Variants in DNAH11 observed in about 807,000 individuals in gnomAD.
The protein encoded by DNAH11 is dynein axonemal heavy chain 11.
A neutral mutation model predicts 526.0 loss-of-function variants in DNAH11; 442 were observed. The ratio of observed to expected loss-of-function variants is 0.84; its 90% CI spans 0.78 to 0.91. DNAH11 has a LOEUF of 0.91. Ranked by LOEUF, DNAH11 falls within the 40% of genes least tolerant of loss-of-function variation. The pLI, the probability that DNAH11 is intolerant of heterozygous loss-of-function variation, is 0.00. For missense variants in DNAH11, 6,989 were observed against 5,448.7 expected (o/e 1.28, Z -8.90); for synonymous variants, 2,461 against 1,935.9 (o/e 1.27, Z -7.12).
intron 69 of DNAH11, 22 bp downstream of exon 69, chr7:21,862,045 A>G (rs764878270): frequency 1.3e-6 from 2 of 1,596,858 alleles, no homozygotes; most frequent in Non-Finnish European, 1.7e-6. Flanking sequence ...AGTTACTTGA[A>G]AAAGGATCCC....
intron 67 of DNAH11, among the ~76,000 whole-genome samples, chr7:21,853,353 T>C (rs1159576095): frequency 1.3e-5 from 2 of 152,252 alleles, no homozygotes; most frequent in Non-Finnish European, 2.9e-5. Context: ...CTACGCATCC[T>C]TTATATTTGT....
intron 75 of DNAH11, among the ~76,000 whole-genome samples, chr7:21,882,507 G>C (rs1166467360): frequency 1.3e-5 from 2 of 152,180 alleles, no homozygotes; most frequent in African/African-American, 4.8e-5. Flanking sequence ...GAAAAGAACA[G>C]ATCTGAGGCC....
At chr7:21,758,019 A>G (rs922324405) in intron 54 of DNAH11, among the ~76,000 whole-genome samples, 8 of 152,220 alleles carry the variant, frequency 5.3e-5, no homozygotes, top group Admixed American at 3.3e-4. Context: ...GCAGATAGCC[A>G]TCTCGACGGC....
intron 28 of DNAH11, among the ~76,000 whole-genome samples, chr7:21,653,805 T>G (rs1781890945): frequency 6.6e-6 from 1 of 152,224 alleles, no homozygotes; most frequent in South Asian, 2.1e-4. Flanking sequence ...TGTGATTTTC[T>G]TTGATACTAA....
intron 79 of DNAH11, among the ~76,000 whole-genome samples, chr7:21,895,823 G>A (rs562598329): frequency 1.1e-4 from 17 of 152,186 alleles, no homozygotes; most frequent in Middle Eastern, 3.4e-3. Flanking sequence ...TCTGCCTGCC[G>A]GGTTCACGCC....
intron 55 of DNAH11, among the ~76,000 whole-genome samples, chr7:21,772,237 A>G (rs1367666560): frequency 6.6e-6 from 1 of 152,154 alleles, no homozygotes; most frequent in Admixed American, 6.5e-5. Context: ...CACTTCTTCC[A>G]TCCCCGATTT....
chr7:21,558,689 T>C, intron 2 of DNAH11, 113 bp from the exon 3 acceptor site: 2 of 685,584 alleles, frequency 2.9e-6, no homozygotes, highest in Non-Finnish European at 4.6e-6. Flanking sequence ...AGATTTGATA[T>C]CATTGGATAT....
At chr7:21,733,654 C>T (rs1411424490) in intron 45 of DNAH11, among the ~76,000 whole-genome samples, 1 of 152,148 alleles carries the variant, frequency 6.6e-6, no homozygotes, top group Non-Finnish European at 1.5e-5. Flanking sequence ...TCTTTCTTTC[C>T]ACACAGTTGT....
At chr7:21,609,789 AT>A (rs141411789) in intron 20 of DNAH11, among the ~76,000 whole-genome samples, 9,537 of 152,260 alleles carry the variant, frequency 0.063, 598 homozygotes, top group Admixed American at 0.19. Context: ...TGTAGTGAAA[AT>A]GGAAATATCA....
chr7:21,667,771 G>A (rs936554344), intron 30 of DNAH11, among the ~76,000 whole-genome samples: 1 of 152,046 alleles, frequency 6.6e-6, no homozygotes, highest in African/African-American at 2.4e-5. Context: ...AAATGACTGT[G>A]TACGTATGTG....
Position 21,591,484 on chromosome 7 carries a change from G to A in DNAH11, c.2574G>A (p.Glu858=). The A allele has an allele frequency of 6.2e-7, 1 of 1,613,334 alleles. No homozygotes were observed. Among genetic ancestry groups the A allele is most frequent in the South Asian group, 1.1e-5 (1 of 91,024 alleles). Residue 858 remains glutamate (E), a synonymous_variant, in exon 14 of 82, where the codon GAG becomes GAA. Transcript: ENST00000409508. Reference sequence around the variant, plus strand: ...CTCCCAGGAGAGAGCACAGACGAGAGGCAGCCTTCACCTTGGAGGACAAGG... The same window carrying A: ...CTCCCAGGAGAGAGCACAGACGAGAAGCAGCCTTCACCTTGGAGGACAAGG... The part of the protein sequence containing the change: ...VLPPRREHRR[E]AAFTLEDKGD...
chr7:21,550,330 A>G (rs925132808), intron 2 of DNAH11, among the ~76,000 whole-genome samples: 9 of 152,174 alleles, frequency 5.9e-5, no homozygotes, highest in African/African-American at 2.2e-4. Flanking sequence ...CGTGAACTCA[A>G]GAGGTGAAGT....
intron 62 of DNAH11, among the ~76,000 whole-genome samples, chr7:21,806,988 G>T (rs1204987450): frequency 1.3e-5 from 2 of 152,136 alleles, no homozygotes; most frequent in Non-Finnish European, 2.9e-5. Flanking sequence ...ACTAACCTGA[G>T]TTTAGTAACT....
chr7:21,601,355 A>T, intron 17 of DNAH11, 41 bp from the exon 18 acceptor site: 1 of 1,559,498 alleles, frequency 6.4e-7, no homozygotes, highest in East Asian at 2.3e-5. Context: ...TGTTTTAATA[A>T]ACTTAATTTG....
intron 66 of DNAH11, chr7:21,851,548 T>C: frequency 2.1e-6 from 1 of 471,518 alleles, no homozygotes; most frequent in Non-Finnish European, 4.4e-6. Flanking sequence ...CCTCTGAGCT[T>C]ATGTCATAAT....
At chr7:21,549,984 G>C (rs1282423590) in intron 2 of DNAH11, among the ~76,000 whole-genome samples, 3 of 152,162 alleles carry the variant, frequency 2.0e-5, no homozygotes, top group East Asian at 1.9e-4. Flanking sequence ...TCCCCTGCCC[G>C]TTTCCATTTT....
intron 25 of DNAH11, among the ~76,000 whole-genome samples, chr7:21,627,718 T>C (rs1262804554): frequency 6.6e-6 from 1 of 152,218 alleles, no homozygotes; most frequent in Non-Finnish European, 1.5e-5. Context: ...GTTTGATGCC[T>C]CTAGCTTTGT....
chr7:21,566,619 A>T (rs1783677913), intron 6 of DNAH11, among the ~76,000 whole-genome samples: 1 of 148,594 alleles, frequency 6.7e-6, no homozygotes, highest in African/African-American at 2.5e-5. Flanking sequence ...AAAAAAAAAC[A>T]CTGAAGCCTA....
intron 55 of DNAH11, among the ~76,000 whole-genome samples, chr7:21,766,142 T>C (rs1053302995): frequency 1.3e-5 from 2 of 152,234 alleles, no homozygotes. Flanking sequence ...GTTATATTTG[T>C]CATTTCTTCA....
Sources: allele counts gnomAD v4.1 joint callset (sites outside exome capture counted in the v4.1 genomes callset), GRCh38; gene constraint gnomAD v4.1.1; transcripts MANE v1.5; gene names NCBI Gene and HGNC (gene_info 2026-07-23, HGNC 2026-07-21).